TLK1: variants seen among roughly 807,000 people sequenced by gnomAD.
TLK1 encodes the protein tousled like kinase 1, also known as serine/threonine-protein kinase tousled-like 1.
A neutral mutation model predicts 105.3 loss-of-function variants in TLK1; 24 were observed. The observed-to-expected ratio is 0.23, with a 90% CI of 0.17 to 0.32. TLK1 has a LOEUF of 0.32. Among genes scored for constraint, TLK1 ranks in the 10% least tolerant of loss-of-function variants. The probability of loss-of-function intolerance (pLI) is 1.00; values close to 1 mark genes in which losing one functional copy is unlikely to be tolerated. For missense variants in TLK1, 558 were observed against 910.5 expected, an observed-to-expected ratio of 0.61 and a Z score of 4.98; for synonymous variants, 321 against 310.4, an observed-to-expected ratio of 1.03 and a Z score of -0.36.
intron 1 of TLK1, among the ~76,000 whole-genome samples, chr2:171,153,180 T>C (rs1320494239): frequency 6.6e-6 from 1 of 152,202 alleles, no homozygotes. Context: ...ATACACCAAC[T>C]TGGTTCAAAT....
At chr2:171,159,085 T>A in intron 1 of TLK1, among the ~76,000 whole-genome samples, 1 of 152,216 alleles carries the variant, frequency 6.6e-6, no homozygotes, top group East Asian at 1.9e-4. Context: ...TTGTCAAGGC[T>A]CTGACTAGCA....
intron 1 of TLK1, among the ~76,000 whole-genome samples, chr2:171,190,449 C>T (rs938694331): frequency 1.3e-5 from 2 of 152,128 alleles, no homozygotes; most frequent in Non-Finnish European, 2.9e-5. Flanking sequence ...TAGTCACTCA[C>T]AAGAAAATCT....
At chr2:171,225,091 C>T (rs1693874472) in intron 1 of TLK1, among the ~76,000 whole-genome samples, 1 of 151,930 alleles carries the variant, frequency 6.6e-6, no homozygotes, top group African/African-American at 2.4e-5. Context: ...AAGGCAGGCA[C>T]TAAATATGAC....
intron 1 of TLK1, among the ~76,000 whole-genome samples, chr2:171,203,499 G>A (rs988276791): frequency 1.3e-5 from 2 of 152,104 alleles, no homozygotes; most frequent in South Asian, 2.1e-4. Flanking sequence ...AGATTCATCC[G>A]CATTGTAGAA....
chr2:171,230,458 G>T (rs150690116), intron 1 of TLK1, among the ~76,000 whole-genome samples: 1 of 152,162 alleles, frequency 6.6e-6, no homozygotes, highest in East Asian at 1.9e-4. Flanking sequence ...CAGTTTGAAG[G>T]CCCCTATAGA....
chr2:171,212,842 A>C (rs561738675), intron 1 of TLK1, among the ~76,000 whole-genome samples: 5 of 152,258 alleles, frequency 3.3e-5, no homozygotes, highest in Non-Finnish European at 7.4e-5. Flanking sequence ...TTTTAGTTTT[A>C]GTGCTCTGTG....
At chr2:171,059,881 G>C (rs1330608312) in intron 4 of TLK1, 1 of 973,426 alleles carries the variant, frequency 1.0e-6, no homozygotes, top group Admixed American at 1.7e-5. Flanking sequence ...GATCTGACAG[G>C]AGGCCGAGCT....
At chr2:171,056,613 A>T (rs776184438) in intron 5 of TLK1, 47 bp from the exon 6 acceptor site, 1 of 1,470,332 alleles carries the variant, frequency 6.8e-7, no homozygotes. Context: ...AAGCAGGCTC[A>T]GACAGTTATT....
At chr2:171,017,510 AT>A (rs1685263279) in intron 12 of TLK1, among the ~76,000 whole-genome samples, 1 of 151,700 alleles carries the variant, frequency 6.6e-6, no homozygotes, top group African/African-American at 2.4e-5. Flanking sequence ...TTACTGAGTC[AT>A]AAATAAGTAA....
At chr2:171,015,079 G>T in intron 12 of TLK1, 131 bp from the exon 13 acceptor site, 1 of 674,254 alleles carries the variant, frequency 1.5e-6, no homozygotes, top group Non-Finnish European at 2.5e-6. Flanking sequence ...CGAGTTAAAA[G>T]ACCAAAGTGC....
At chr2:171,029,684 A>C (rs984410886) in intron 11 of TLK1, among the ~76,000 whole-genome samples, 1 of 151,654 alleles carries the variant, frequency 6.6e-6, no homozygotes, top group Non-Finnish European at 1.5e-5. Flanking sequence ...AAAGTGCTTC[A>C]TGGTTATCTT....
rs1392425472 is a variant in TLK1, at chr2:170,993,828, C to A, written c.2253G>T (p.Gly751=). 2.5e-6 allele frequency: 4 copies of A among 1,611,856 alleles called. No individual in the cohort carries two copies. The highest frequency in any genetic ancestry group is 1.3e-5 in the African/African-American group (1 of 74,886). The change falls in exon 21 of 21, where the codon GGG becomes GGT. Residue 751 remains glycine (G), a synonymous_variant. Coordinates refer to ENST00000431350, the MANE Select transcript of TLK1 (RefSeq NM_012290.5). ...SNSSGNLHMA[G]LTASPTPPSS... is the part of the protein sequence containing the mutation. ...AAGGGGGTGTAGGGGATGCTGTCAG[C>A]CCAGCCATGTGTAGGTTTCCTGAAG...
At chr2:171,085,499 G>A (rs1688933871) in intron 2 of TLK1, among the ~76,000 whole-genome samples, 1 of 152,016 alleles carries the variant, frequency 6.6e-6, no homozygotes, top group South Asian at 2.1e-4. Flanking sequence ...TACTGACAGA[G>A]CACCATGCAC....
chr2:171,225,648 A>G (rs1296982601), intron 1 of TLK1, among the ~76,000 whole-genome samples: 3 of 151,878 alleles, frequency 2.0e-5, no homozygotes, highest in Non-Finnish European at 4.4e-5. Flanking sequence ...TATGTCCACA[A>G]AAAAAAACCC....
chr2:171,227,064 C>T (rs1478518326), intron 1 of TLK1, among the ~76,000 whole-genome samples: 1 of 151,434 alleles, frequency 6.6e-6, no homozygotes, highest in East Asian at 2.0e-4. Context: ...GCTGCAGTTC[C>T]TTCTGCAGGG....
chr2:171,022,990 T>C (rs1404759913), intron 12 of TLK1: 3 of 461,074 alleles, frequency 6.5e-6, no homozygotes, highest in Admixed American at 4.8e-5. Flanking sequence ...TGTGTACTTG[T>C]TCTTGACCTG....
intron 3 of TLK1, among the ~76,000 whole-genome samples, chr2:171,079,301 C>A (rs901366049): frequency 6.6e-6 from 1 of 152,200 alleles, no homozygotes; most frequent in Non-Finnish European, 1.5e-5. Context: ...TCTTTGCTTC[C>A]TTTCCCCTAC....
intron 2 of TLK1, among the ~76,000 whole-genome samples, chr2:171,086,653 GAAA>G (rs1320285556): frequency 7.0e-6 from 1 of 143,860 alleles, no homozygotes; most frequent in Non-Finnish European, 1.6e-5. Flanking sequence ...AAAAAAAACA[GAAA>G]AAAAAAGAAG....
intron 11 of TLK1, among the ~76,000 whole-genome samples, chr2:171,038,821 T>C (rs1267636238): frequency 6.6e-6 from 1 of 152,228 alleles, no homozygotes; most frequent in African/African-American, 2.4e-5. Context: ...GTATTCTATA[T>C]ATGTCCATTG....
Sources: allele counts gnomAD v4.1 joint callset (sites outside exome capture counted in the v4.1 genomes callset), GRCh38; gene constraint gnomAD v4.1.1; transcripts MANE v1.5; gene names NCBI Gene and HGNC (gene_info 2026-07-23, HGNC 2026-07-21).